Variants in GCLM observed in about 807,000 individuals in gnomAD.
The protein encoded by GCLM is glutamate--cysteine ligase regulatory subunit.
A neutral mutation model predicts 36.0 loss-of-function variants in GCLM; 15 were observed. That is an observed-to-expected ratio of 0.42 (90% CI 0.28 to 0.64). The LOEUF (loss-of-function observed/expected upper bound fraction) is 0.64. GCLM is among the 30% of genes least tolerant of loss of function. The probability of loss-of-function intolerance (pLI) is 0.25; values close to 1 mark genes in which losing one functional copy is unlikely to be tolerated. For synonymous variants in GCLM, 129 were observed against 122.8 expected, an observed-to-expected ratio of 1.05 and a Z score of -0.34; for missense variants, 242 against 325.5, an observed-to-expected ratio of 0.74 and a Z score of 1.97.
chr1:93,896,516 C>A, intron 5 of GCLM, 102 bp downstream of exon 5: 1 of 877,732 alleles, frequency 1.1e-6, no homozygotes, highest in Non-Finnish European at 1.9e-6. Context: ...GAAAAGTCAC[C>A]CCGCAGGGGT....
intron 2 of GCLM, among the ~76,000 whole-genome samples, chr1:93,902,397 C>T (rs1460389155): frequency 1.3e-5 from 2 of 151,508 alleles, no homozygotes; most frequent in Non-Finnish European, 2.9e-5. Context: ...CCAGGATGGT[C>T]TCGATCTCCT....
intron 6 of GCLM, among the ~76,000 whole-genome samples, chr1:93,891,372 T>G (rs1178551250): frequency 6.6e-6 from 1 of 152,122 alleles, no homozygotes; most frequent in Non-Finnish European, 1.5e-5. Context: ...ACACACTTTT[T>G]CCAGATATTC....
chr1:93,899,603 A>T (rs1656871391), intron 3 of GCLM, among the ~76,000 whole-genome samples: 1 of 152,206 alleles, frequency 6.6e-6, no homozygotes, highest in African/African-American at 2.4e-5. Context: ...TGTTATTATG[A>T]GTCAAAGCAT....
chr1:93,899,487 T>C (rs1447492761), intron 3 of GCLM, among the ~76,000 whole-genome samples: 2 of 152,234 alleles, frequency 1.3e-5, no homozygotes, highest in Non-Finnish European at 2.9e-5. Flanking sequence ...GTTCCAGTAC[T>C]AGTTCCAGTT....
chr1:93,904,674 A>C (rs944633954), intron 1 of GCLM, 86 bp from the exon 2 acceptor site: 1 of 856,962 alleles, frequency 1.2e-6, no homozygotes. Flanking sequence ...TAATTTGATA[A>C]GCAGGAAAAA....
chr1:93,886,327 T>G lies in GCLM; in HGVS notation c.*2663A>C, dbSNP rs958508352. 6.6e-6 allele frequency: 1 copy of G among 152,166 alleles called. No individual in the cohort carries two copies. Among genetic ancestry groups the G allele is most frequent in the Non-Finnish European group, 1.5e-5 (1 of 67,992 alleles). The allele number at this position is 152,166 out of a possible 1,614,324, so 9.4% of individuals were successfully genotyped here. A position where few individuals can be genotyped will look rare whatever the true frequency, so the allele number is the denominator to read the frequency against. ...TTATATAAACTATTGATAACTTAGC[T>G]TTCAGTTTTAAGTAATTATTTGGTA... On this transcript the variant is annotated 3_prime_UTR_variant, in exon 7 of 7. Coordinates refer to ENST00000370238, the MANE Select transcript of GCLM (RefSeq NM_002061.4).
chr1:93,904,823 A>G (rs1657083853), intron 1 of GCLM, among the ~76,000 whole-genome samples: 1 of 152,176 alleles, frequency 6.6e-6, no homozygotes, highest in Admixed American at 6.5e-5. Flanking sequence ...GAAGTTGTCT[A>G]ATTACTTTAA....
At position 93,909,099 on chromosome 1, in the gene GCLM, G is replaced by A; in HGVS notation, c.65C>T (p.Thr22Met). 4 of 1,472,278 alleles carry A rather than the reference G, an allele frequency of 2.7e-6. No homozygotes were observed. Among genetic ancestry groups the A allele is most frequent in the Non-Finnish European group, 3.6e-6 (4 of 1,116,858 alleles). 91.2% of individuals were successfully genotyped at this position (1,472,278 alleles called of 1,614,324 possible). ...LARARTLHLQTGNLLNWGRLR... is the reference protein window; with the variant it reads ...LARARTLHLQMGNLLNWGRLR... ...GCGGCCCCAGTTCAGCAGGTTCCCCGTCTGCAGGTGCAGGGTGCGGGCCCG... is the reference window on the plus strand; with the variant it reads ...GCGGCCCCAGTTCAGCAGGTTCCCCATCTGCAGGTGCAGGGTGCGGGCCCG... The change falls in exon 1 of 7, where the codon ACG becomes ATG. Residue 22 changes from threonine to methionine, a missense_variant. Physicochemically the swap from Thr to Met is moderately conservative, Grantham distance 81. Coordinates refer to ENST00000370238, the MANE Select transcript of GCLM (RefSeq NM_002061.4).
Position 93,909,119 on chromosome 1 carries a change from G to A in GCLM, c.45C>T (p.Ala15=). 7.0e-7 allele frequency: 1 copy of A among 1,430,300 alleles called. No individual in the cohort carries two copies. Among genetic ancestry groups the A allele is most frequent in the Non-Finnish European group, 9.2e-7 (1 of 1,089,670 alleles). 88.6% of individuals were successfully genotyped at this position (1,430,300 alleles called of 1,614,324 possible). A position where few individuals can be genotyped will look rare whatever the true frequency, so the allele number is the denominator to read the frequency against. The change falls in exon 1 of 7, where the codon GCC becomes GCT. Residue 15 remains alanine (A), a synonymous_variant. Transcript: ENST00000370238. Reference sequence around the variant, plus strand: ...TCCCCGTCTGCAGGTGCAGGGTGCGGGCCCGCGCCAGGAGCGCCTTGGCCG... The same window carrying A: ...TCCCCGTCTGCAGGTGCAGGGTGCGAGCCCGCGCCAGGAGCGCCTTGGCCG... ...SRAAKALLAR[A]RTLHLQTGNL...
rs1656668190 is a variant in GCLM, at chr1:93,894,832, A to AC, written c.541-105_541-104insG. On this transcript the variant is annotated intron_variant, in intron 5 of 6. Coordinates refer to ENST00000370238, the MANE Select transcript of GCLM (RefSeq NM_002061.4). ...TAACTTAATTTTAGAACATATGAAA[A>AC]ATCACAATCCACAGTGATTAAAGTT... 9.5e-6 allele frequency: 6 copies of AC among 632,266 alleles called. No homozygotes were observed. The South Asian group carries it at 1.2e-4, about 12-fold the overall frequency. The allele number at this position is 632,266 out of a possible 1,614,324, so 39.2% of individuals were successfully genotyped here. A position where few individuals can be genotyped will look rare whatever the true frequency, so the allele number is the denominator to read the frequency against.
chr1:93,901,820 T>G (rs924585885), intron 2 of GCLM, 151 bp from the exon 3 acceptor site: 2 of 555,130 alleles, frequency 3.6e-6, no homozygotes, highest in Non-Finnish European at 6.3e-6. Flanking sequence ...TTCACAAGGG[T>G]TGTAAAGCTC....
chr1:93,885,371 AAATT>A lies in GCLM; in HGVS notation c.*3615_*3618del, dbSNP rs1329080384. On this transcript the variant is annotated 3_prime_UTR_variant, in exon 7 of 7. Transcript: ENST00000370238. ...AAATTCATAATGTAGGTAATATTAA[AAATT>A]ATTATAAACATTTAATAATGCTTTA... is the stretch of plus-strand genomic sequence containing the variant. The A allele has an allele frequency of 6.6e-6, 1 of 152,166 alleles. No homozygotes were observed. Among genetic ancestry groups the A allele is most frequent in the Admixed American group, 6.5e-5 (1 of 15,286 alleles). The allele number at this position is 152,166 out of a possible 1,614,324, so 9.4% of individuals were successfully genotyped here. A position where few individuals can be genotyped will look rare whatever the true frequency, so the allele number is the denominator to read the frequency against.
chr1:93,901,700 T>C lies in GCLM; in HGVS notation c.193-31A>G, dbSNP rs780884972. ...ATAAACACAATATTTAAAACAAATATAAAATTTAATGCTTCTGATTAATTA... is the reference window on the plus strand; with the variant it reads ...ATAAACACAATATTTAAAACAAATACAAAATTTAATGCTTCTGATTAATTA... On this transcript the variant is annotated intron_variant, in intron 2 of 6. Coordinates refer to ENST00000370238, the MANE Select transcript of GCLM (RefSeq NM_002061.4). The C allele has an allele frequency of 8.4e-6, 9 of 1,072,540 alleles. 1 individual carries two copies. Among genetic ancestry groups the C allele is most frequent in the South Asian group, 5.6e-5 (4 of 71,048 alleles). 66.4% of individuals were successfully genotyped at this position (1,072,540 alleles called of 1,614,324 possible).
Position 93,889,013 on chromosome 1 carries a change from G to A in GCLM, c.802C>T (p.Gln268Ter). Residue 268 changes from glutamine (Q) to a stop codon, truncating the protein, a stop_gained, in exon 7 of 7, where the codon CAA (glutamine) becomes TAA (stop). Coordinates refer to ENST00000370238, the MANE Select transcript of GCLM (RefSeq NM_002061.4). LOFTEE classifies it high-confidence loss of function. ...GIIKSKGYIL[Q>*]AKRRGS The stretch of plus-strand genomic sequence containing the variant: ...AGTTAAGAACCCCTTCTTTTAGCTT[G>A]TAAAATGTAGCCTTTTGATTTGATA... 6.3e-7 allele frequency: 1 copy of A among 1,592,822 alleles called. No homozygotes were observed. The highest frequency in any genetic ancestry group is 8.5e-7 in the Non-Finnish European group (1 of 1,170,500).
At chr1:93,908,948 T>A in intron 1 of GCLM, 90 bp downstream of exon 1, 7 of 1,103,788 alleles carry the variant, frequency 6.3e-6, no homozygotes, top group Non-Finnish European at 8.2e-6. Flanking sequence ...CCACCCTCCC[T>A]CGCCCGCGGG....
chr1:93,890,164 C>T (rs944935473), intron 6 of GCLM, among the ~76,000 whole-genome samples: 5 of 152,044 alleles, frequency 3.3e-5, no homozygotes, highest in African/African-American at 1.2e-4. Context: ...CCCACCTTGG[C>T]CTCCTAAAGT....
In GCLM at chr1:93,888,532, GAC is replaced by G. The variant is rs1656407573; in HGVS notation, c.*456_*457del. The G allele has an allele frequency of 6.6e-6, 1 of 152,368 alleles. No homozygotes were observed. Among genetic ancestry groups the G allele is most frequent in the Non-Finnish European group, 1.5e-5 (1 of 68,054 alleles). 9.4% of individuals were successfully genotyped at this position (152,368 alleles called of 1,614,324 possible). On this transcript the variant is annotated 3_prime_UTR_variant, in exon 7 of 7. Transcript: ENST00000370238. Reference sequence around the variant, plus strand: ...AGTTACTCTGATATATCTCATCAATGACAGGAAAAATATCTTCTTCCAGTATT... The same window carrying G: ...AGTTACTCTGATATATCTCATCAATGAGGAAAAATATCTTCTTCCAGTATT...
chr1:93,909,098 C>G lies in GCLM; in HGVS notation c.66G>C (p.Thr22=), dbSNP rs1404326326. The G allele has an allele frequency of 2.0e-6, 3 of 1,472,424 alleles. No individual in the cohort carries two copies. Among genetic ancestry groups the G allele is most frequent in the Non-Finnish European group, 2.7e-6 (3 of 1,116,946 alleles). 91.2% of individuals were successfully genotyped at this position (1,472,424 alleles called of 1,614,324 possible). A position where few individuals can be genotyped will look rare whatever the true frequency, so the allele number is the denominator to read the frequency against. ...LARARTLHLQ[T]GNLLNWGRLR... ...GGCGGCCCCAGTTCAGCAGGTTCCC[C>G]GTCTGCAGGTGCAGGGTGCGGGCCC... The change falls in exon 1 of 7, where the codon ACG becomes ACC. Residue 22 remains threonine (T), a synonymous_variant. Coordinates refer to ENST00000370238, the MANE Select transcript of GCLM (RefSeq NM_002061.4).
chr1:93,896,624 C>T lies in GCLM; in HGVS notation c.534G>A (p.Trp178Ter). The change falls in exon 5 of 7, where the codon TGG (tryptophan) becomes TGA (stop). Residue 178 changes from tryptophan (W) to a stop codon, truncating the protein, a stop_gained. Transcript: ENST00000370238. LOFTEE classifies it high-confidence loss of function. ...DKTQLEQLYQWAQVKPNSNQV... is the reference protein window; with the variant it reads ...DKTQLEQLYQ ...TGATCCTGCCATCCCTCACCTGTGCCCACTGATACAGCTGTTCCAACTGTG... is the reference window on the plus strand; with the variant it reads ...TGATCCTGCCATCCCTCACCTGTGCTCACTGATACAGCTGTTCCAACTGTG... 6.2e-7 allele frequency: 1 copy of T among 1,612,986 alleles called. No homozygotes were observed. The highest frequency in any genetic ancestry group is 8.5e-7 in the Non-Finnish European group (1 of 1,178,954).
Sources: gnomAD v4.1 joint callset for allele counts (sites outside exome capture counted in the v4.1 genomes callset) on GRCh38, gnomAD v4.1.1 for gene constraint, MANE v1.5 for transcripts, NCBI Gene and HGNC (gene_info 2026-07-23, HGNC 2026-07-21) for gene names.